The following RPAP2 variants were observed in gnomAD, a reference collection of about 807,000 sequenced individuals.
The protein encoded by RPAP2 is putative RNA polymerase II subunit B1 CTD phosphatase RPAP2.
A neutral mutation model predicts 73.1 loss-of-function variants in RPAP2; 52 were observed. The observed-to-expected ratio is 0.71, with a 90% CI of 0.57 to 0.90. The LOEUF (loss-of-function observed/expected upper bound fraction) is 0.90. Ranked by LOEUF, RPAP2 falls within the 40% of genes least tolerant of loss-of-function variation. The probability of loss-of-function intolerance (pLI) is 0.00; values close to 1 mark genes in which losing one functional copy is unlikely to be tolerated. For synonymous variants in RPAP2, 225 were observed against 242.1 expected, an observed-to-expected ratio of 0.93 and a Z score of 0.65; for missense variants, 598 against 701.8, an observed-to-expected ratio of 0.85 and a Z score of 1.67.
Position 92,395,769 on chromosome 1 carries a change from C to T in RPAP2, c.*8758C>T, listed in dbSNP as rs1378372293. ...GAATTCTTAAAACTCAAAAATAAGG[C>T]AGACAACTTAAAAATGGACAAAATG... is the stretch of plus-strand genomic sequence containing the variant. On this transcript the variant is annotated 3_prime_UTR_variant, in exon 13 of 13. Transcript: ENST00000610020. 6.6e-6 allele frequency: 1 copy of T among 151,668 alleles called. No individual in the cohort carries two copies. The highest frequency in any genetic ancestry group is 1.5e-5 in the Non-Finnish European group (1 of 67,994). The allele number at this position is 151,668 out of a possible 1,614,324, so 9.4% of individuals were successfully genotyped here. A position where few individuals can be genotyped will look rare whatever the true frequency, so the allele number is the denominator to read the frequency against.
At chr1:92,376,175 G>A (rs914198142) in intron 11 of RPAP2, among the ~76,000 whole-genome samples, 8 of 151,894 alleles carry the variant, frequency 5.3e-5, no homozygotes, top group Admixed American at 1.3e-4. Flanking sequence ...TAAAGTATAC[G>A]GGAGGATGTG....
At chr1:92,323,044 T>TTATATTTATATATATACTTTATATA (rs942885272) in intron 7 of RPAP2, among the ~76,000 whole-genome samples, 1 of 145,344 alleles carries the variant, frequency 6.9e-6, no homozygotes, top group African/African-American at 2.5e-5. Flanking sequence ...TTATATATCT[T>TTATATTTATATATATACTTTATATA]TATATTTATA....
In RPAP2 at chr1:92,394,544, T is replaced by C. The variant is rs1264472150; in HGVS notation, c.*7533T>C. ...GCTGCACACCTGTAGTCCCAGCTAC[T>C]TGAGAGGCTACATTGGGAGGATTGC... On this transcript the variant is annotated 3_prime_UTR_variant, in exon 13 of 13. Transcript: ENST00000610020. 1 of 152,208 alleles carries C rather than the reference T, an allele frequency of 6.6e-6. No individual in the cohort carries two copies. The highest frequency in any genetic ancestry group is 1.5e-5 in the Non-Finnish European group (1 of 68,054). The allele number at this position is 152,208 out of a possible 1,614,324, so 9.4% of individuals were successfully genotyped here. A position where few individuals can be genotyped will look rare whatever the true frequency, so the allele number is the denominator to read the frequency against.
Position 92,299,109 on chromosome 1 carries a change from C to G in RPAP2, c.36C>G (p.Arg12=), listed in dbSNP as rs1221799777. 7.2e-6 allele frequency: 11 copies of G among 1,522,586 alleles called. No individual in the cohort carries two copies. The highest frequency in any genetic ancestry group is 9.7e-6 in the Non-Finnish European group (11 of 1,132,178). 94.3% of individuals were successfully genotyped at this position (1,522,586 alleles called of 1,614,324 possible). The change falls in exon 1 of 13, where the codon CGC becomes CGG. Residue 12 remains arginine (R), a synonymous_variant. Coordinates refer to ENST00000610020, the MANE Select transcript of RPAP2 (RefSeq NM_024813.3). ...TCGCTGGGCCGTCTTCTGCCGGCCGCAAGGCCGGGGCTCCCCGCTGCTCTC... is the reference window on the plus strand; with the variant it reads ...TCGCTGGGCCGTCTTCTGCCGGCCGGAAGGCCGGGGCTCCCCGCTGCTCTC... ...ADFAGPSSAG[R]KAGAPRCSRK...
intron 10 of RPAP2, among the ~76,000 whole-genome samples, chr1:92,338,414 A>G (rs960492106): frequency 1.5e-4 from 23 of 152,214 alleles, no homozygotes; most frequent in African/African-American, 5.3e-4. Flanking sequence ...TAATGACGAG[A>G]GACATTTTTT....
At chr1:92,345,751 T>C (rs1418579219) in intron 10 of RPAP2, 95 bp from the exon 11 acceptor site, 1 of 767,104 alleles carries the variant, frequency 1.3e-6, no homozygotes, top group Non-Finnish European at 2.1e-6. Context: ...AAAGTGCTTC[T>C]TTGGCACATT....
chr1:92,330,417 T>G (rs1342138884), intron 8 of RPAP2, among the ~76,000 whole-genome samples: 4 of 151,522 alleles, frequency 2.6e-5, no homozygotes, highest in Non-Finnish European at 5.9e-5. Flanking sequence ...TCTTTTCCTC[T>G]GATTTTCTTT....
chr1:92,302,857 C>A (rs1020302906), intron 3 of RPAP2, among the ~76,000 whole-genome samples: 4 of 151,844 alleles, frequency 2.6e-5, no homozygotes, highest in Admixed American at 6.6e-5. Flanking sequence ...GCGTCGGCCT[C>A]CCAAAGTGCT....
At chr1:92,376,369 G>T (rs934576947) in intron 11 of RPAP2, among the ~76,000 whole-genome samples, 1 of 152,054 alleles carries the variant, frequency 6.6e-6, no homozygotes, top group African/African-American at 2.4e-5. Context: ...TTCAGTTAAA[G>T]ATTAAAAGGG....
intron 6 of RPAP2, among the ~76,000 whole-genome samples, chr1:92,320,104 T>C (rs1652160844): frequency 6.6e-6 from 1 of 152,130 alleles, no homozygotes; most frequent in Admixed American, 6.5e-5. Flanking sequence ...CAGACAATGA[T>C]GACTCTGGAA....
In RPAP2 at chr1:92,299,083, T is replaced by C. The variant is rs1650564309; in HGVS notation, c.10T>C (p.Phe4Leu). ...CAGACTACTCTCCCCCATGGCGGAC[T>C]TCGCTGGGCCGTCTTCTGCCGGCCG... MADFAGPSSAGRKA... is the reference protein window; with the variant it reads MADLAGPSSAGRKA... The change falls in exon 1 of 13, where the codon TTC becomes CTC. Residue 4 changes from phenylalanine to leucine, a missense_variant. Coordinates refer to ENST00000610020, the MANE Select transcript of RPAP2 (RefSeq NM_024813.3). 1.3e-6 allele frequency: 2 copies of C among 1,509,404 alleles called. No individual in the cohort carries two copies. The highest frequency in any genetic ancestry group is 8.9e-7 in the Non-Finnish European group (1 of 1,124,950). The allele number at this position is 1,509,404 out of a possible 1,614,324, so 93.5% of individuals were successfully genotyped here.
At chr1:92,351,979 TG>T (rs2101342585) in intron 11 of RPAP2, among the ~76,000 whole-genome samples, 1 of 152,262 alleles carries the variant, frequency 6.6e-6, no homozygotes, top group South Asian at 2.1e-4. Context: ...GTGAATTATT[TG>T]GTTATCCAAT....
chr1:92,386,959 C>A lies in RPAP2; in HGVS notation c.*-52C>A, dbSNP rs901176567. ...AACTCCTGACCTCATGATCTGCCTG[C>A]CTTGGCCTCCCAATACATGTTTTAC... On this transcript the variant is annotated intron_variant, in intron 12 of 12. Transcript: ENST00000610020. 228 of 1,529,344 alleles carry A rather than the reference C, an allele frequency of 1.5e-4. 4 individuals carry two copies. In the Admixed American group the frequency reaches 3.9e-3, roughly 26 times the overall value. 94.7% of individuals were successfully genotyped at this position (1,529,344 alleles called of 1,614,324 possible).
intron 11 of RPAP2, among the ~76,000 whole-genome samples, chr1:92,347,753 T>G (rs1463869376): frequency 6.6e-6 from 1 of 152,202 alleles, no homozygotes; most frequent in Admixed American, 6.5e-5. Context: ...TGCTAGTCCT[T>G]TTAGGCACTG....
chr1:92,335,321 A>G (rs1189470473), intron 9 of RPAP2, among the ~76,000 whole-genome samples: 3 of 152,202 alleles, frequency 2.0e-5, no homozygotes, highest in African/African-American at 7.2e-5. Context: ...ATACGGGATT[A>G]TTACTATTCT....
chr1:92,326,452 T>C (rs1358588910), intron 8 of RPAP2, among the ~76,000 whole-genome samples: 1 of 152,094 alleles, frequency 6.6e-6, no homozygotes, highest in Non-Finnish European at 1.5e-5. Context: ...TGCCAGAAGG[T>C]GGCACTTTCA....
chr1:92,321,948 T>C (rs906433377), intron 7 of RPAP2, among the ~76,000 whole-genome samples: 28 of 149,566 alleles, frequency 1.9e-4, no homozygotes, highest in East Asian at 3.9e-4. Flanking sequence ...TTCTTTCTTT[T>C]TTTTTTTTTT....
chr1:92,367,855 G>A lies in RPAP2; in HGVS notation c.1689-12869G>A, dbSNP rs188109117. On this transcript the variant is annotated intron_variant, in intron 11 of 12. Transcript: ENST00000610020. The stretch of plus-strand genomic sequence containing the variant: ...CGTGTCATTTTATAACTGCCTACTC[G>A]TTTGATTTTGCAAATTTGGAAATAA... Among the ~76,000 whole-genome samples the A allele has an allele frequency of 9.3e-4, 141 of 152,224 alleles. 1 individual carries two copies. The highest frequency in any genetic ancestry group is 3.0e-3 in the African/African-American group (123 of 41,550).
At position 92,395,367 on chromosome 1, in the gene RPAP2, G is replaced by T. The variant is rs1656157919; in HGVS notation, c.*8356G>T. 1.3e-5 allele frequency: 2 copies of T among 152,036 alleles called. No individual in the cohort carries two copies. The highest frequency in any genetic ancestry group is 2.9e-5 in the Non-Finnish European group (2 of 68,016). 9.4% of individuals were successfully genotyped at this position (152,036 alleles called of 1,614,324 possible). ...AGAAAATTAATTGGCCCGGGGAGGTGGTTCACATCTGAAATCCCTGCACTT... is the reference window on the plus strand; with the variant it reads ...AGAAAATTAATTGGCCCGGGGAGGTTGTTCACATCTGAAATCCCTGCACTT... On this transcript the variant is annotated 3_prime_UTR_variant, in exon 13 of 13. Coordinates refer to ENST00000610020, the MANE Select transcript of RPAP2 (RefSeq NM_024813.3).
Sources: gnomAD v4.1 joint callset for allele counts (sites outside exome capture counted in the v4.1 genomes callset) on GRCh38, gnomAD v4.1.1 for gene constraint, MANE v1.5 for transcripts, NCBI Gene and HGNC (gene_info 2026-07-23, HGNC 2026-07-21) for gene names.